The following INSYN1 variants were observed in gnomAD, a reference collection of about 807,000 sequenced individuals.
INSYN1 encodes the protein UPF0583 protein C15orf59.
In INSYN1, 7 loss-of-function variants were observed where a neutral mutation model predicts 17.1. The observed-to-expected ratio is 0.41, with a 90% CI of 0.23 to 0.77. The LOEUF (loss-of-function observed/expected upper bound fraction) is 0.77. INSYN1 is among the 30% of genes least tolerant of loss of function. The probability of loss-of-function intolerance (pLI) is 0.32; values close to 1 mark genes in which losing one functional copy is unlikely to be tolerated. For synonymous variants in INSYN1, 174 were observed against 166.3 expected (o/e 1.05, Z -0.36); for missense variants, 339 against 400.6 (o/e 0.85, Z 1.31).
rs1397293698 is a variant in INSYN1, at chr15:73,753,188, G to GCCCGCT, written c.-1652_-1647dup. 6.9e-6 allele frequency among the ~76,000 whole-genome samples: 1 copy of GCCCGCT among 145,292 alleles called. No homozygotes were observed. The highest frequency in any genetic ancestry group is 2.5e-5 in the African/African-American group (1 of 40,530). ...GCCCCGCCGGGCTCCCGGGGCCTGG[G>GCCCGCT]CCCGCTCCCCAAGCGCCGCGGCGCC... On this transcript the variant is annotated 5_prime_UTR_variant, in exon 1 of 3. Transcript: ENST00000569673. The surrounding 1 kb of genome is among the most constrained non-coding windows in gnomAD (Gnocchi z 4.2).
rs566445514 is a variant in INSYN1 at position 73,751,951 on chromosome 15, C to G, written c.-568+159G>C. Reference sequence around the variant, plus strand: ...CCTGGCCGTAGCTCCCGCCCTCCCCCCCCACCTTCCCCCCAGCCAGGCCTG... The same window carrying G: ...CCTGGCCGTAGCTCCCGCCCTCCCCGCCCACCTTCCCCCCAGCCAGGCCTG... On this transcript the variant is annotated intron_variant, in intron 1 of 2. Coordinates refer to ENST00000569673, the MANE Select transcript of INSYN1 (RefSeq NM_001039614.3). Among the ~76,000 whole-genome samples the G allele has an allele frequency of 4.1e-3, 616 of 150,482 alleles. 2 individuals carry two copies. The highest frequency in any genetic ancestry group is 0.01 in the Middle Eastern group (3 of 294).
intron 2 of INSYN1, among the ~76,000 whole-genome samples, chr15:73,744,551 C>T (rs1567036242): frequency 1.3e-5 from 2 of 152,184 alleles, no homozygotes; most frequent in Non-Finnish European, 2.9e-5. Context: ...CTGCTCTTCC[C>T]TGGTGCCTCG....
Position 73,740,530 on chromosome 15 carries a change from C to T in INSYN1, c.269G>A (p.Gly90Asp), listed in dbSNP as rs1901665883. ...CAGGTGGCCCAGGTCAAAGGGGCCACCCATGCCCGCCTTGTCACTGCTAGA... is the reference window on the plus strand; with the variant it reads ...CAGGTGGCCCAGGTCAAAGGGGCCATCCATGCCCGCCTTGTCACTGCTAGA... ...STSSSDKAGMGGPFDLGHLDF... is the reference protein window; with the variant it reads ...STSSSDKAGMDGPFDLGHLDF... Residue 90 changes from glycine (G) to aspartate (D), a missense_variant, in exon 3 of 3, where the codon GGT (glycine) becomes GAT (aspartate). By Grantham distance (94) the Gly-to-Asp change is moderately conservative. Transcript: ENST00000569673. The T allele has an allele frequency of 3.7e-6, 6 of 1,614,102 alleles. No individual in the cohort carries two copies. Among genetic ancestry groups the T allele is most frequent in the Non-Finnish European group, 5.1e-6 (6 of 1,180,028 alleles).
At chr15:73,741,375 A>G (rs1265708417) in intron 2 of INSYN1, among the ~76,000 whole-genome samples, 1 of 152,190 alleles carries the variant, frequency 6.6e-6, no homozygotes, top group Non-Finnish European at 1.5e-5. Flanking sequence ...AGCAATAAAG[A>G]AGCCATCTAT....
In INSYN1 at chr15:73,738,077, C is replaced by G. The variant is rs555591125; in HGVS notation, c.*1840G>C. ...CAAAGCCCCTGTGCCCTGGAAATCA[C>G]TGGACATCTGGGTTGAGGCCACACT... On this transcript the variant is annotated 3_prime_UTR_variant, in exon 3 of 3. Transcript: ENST00000569673. 1 of 152,330 alleles carries G rather than the reference C, an allele frequency of 6.6e-6. No homozygotes were observed. Among genetic ancestry groups the G allele is most frequent in the Non-Finnish European group, 1.5e-5 (1 of 68,096 alleles). 9.4% of individuals were successfully genotyped at this position (152,330 alleles called of 1,614,324 possible). A position where few individuals can be genotyped will look rare whatever the true frequency, so the allele number is the denominator to read the frequency against.
chr15:73,750,863 A>T, intron 2 of INSYN1, 112 bp downstream of exon 2: 1 of 1,146,810 alleles, frequency 8.7e-7, no homozygotes, highest in Non-Finnish European at 1.3e-6. Context: ...CAGTAGAGTG[A>T]CACATGTGCA....
At chr15:73,749,089 G>A (rs149293754) in intron 2 of INSYN1, among the ~76,000 whole-genome samples, 1 of 152,304 alleles carries the variant, frequency 6.6e-6, no homozygotes, top group Non-Finnish European at 1.5e-5. Flanking sequence ...GAGTGTGAAA[G>A]GGAAGGAGAG....
intron 2 of INSYN1, among the ~76,000 whole-genome samples, chr15:73,745,078 C>T (rs543428414): frequency 1.1e-4 from 16 of 152,268 alleles, no homozygotes; most frequent in Middle Eastern, 6.8e-3. Flanking sequence ...TAGCGCCCCT[C>T]GCTGAAAAAC....
intron 2 of INSYN1, among the ~76,000 whole-genome samples, chr15:73,742,128 G>C (rs921468748): frequency 3.3e-5 from 5 of 152,220 alleles, no homozygotes; most frequent in African/African-American, 4.8e-5. Context: ...GACTCTGAGA[G>C]GCTGCTTGGG....
rs1366930583 is a variant in INSYN1, at chr15:73,737,428, CT to C, written c.*2488del. ...CTGGCCCCTCTCCCCAGAGGAGCCC[CT>C]GGCACTCATCCTGTGAACCAGAGCC... is the stretch of plus-strand genomic sequence containing the variant. On this transcript the variant is annotated 3_prime_UTR_variant, in exon 3 of 3. Coordinates refer to ENST00000569673, the MANE Select transcript of INSYN1 (RefSeq NM_001039614.3). The C allele has an allele frequency of 6.6e-6, 1 of 152,318 alleles. No individual in the cohort carries two copies. The highest frequency in any genetic ancestry group is 1.5e-5 in the Non-Finnish European group (1 of 68,120). The allele number at this position is 152,318 out of a possible 1,614,324, so 9.4% of individuals were successfully genotyped here.
In INSYN1 at chr15:73,740,260, G is replaced by C. The variant is rs993231197; in HGVS notation, c.539C>G (p.Pro180Arg). Reference protein sequence around the residue: ...TVKSQLPQRTPGTRERVRFSD... With the variant: ...TVKSQLPQRTRGTRERVRFSD... ...GAACCGCACCCTCTCCCGTGTCCCT[G>C]GGGTCCGCTGGGGCAGCTGGCTCTT... Residue 180 changes from proline to arginine, a missense_variant, in exon 3 of 3, where the codon CCA (proline) becomes CGA (arginine). Pro to Arg is a moderately radical substitution (Grantham distance 103). Coordinates refer to ENST00000569673, the MANE Select transcript of INSYN1 (RefSeq NM_001039614.3). The C allele has an allele frequency of 3.1e-6, 5 of 1,613,772 alleles. No individual in the cohort carries two copies. In the Admixed American group the frequency reaches 5.0e-5, roughly 16 times the overall value.
chr15:73,742,588 C>T (rs563583622), intron 2 of INSYN1, among the ~76,000 whole-genome samples: 12 of 152,242 alleles, frequency 7.9e-5, no homozygotes, highest in South Asian at 2.1e-4. Context: ...TCTCCCCCTG[C>T]GGCCCCCTGC....
intron 2 of INSYN1, among the ~76,000 whole-genome samples, chr15:73,750,132 AT>A (rs1411783134): frequency 1.3e-5 from 2 of 152,200 alleles, no homozygotes; most frequent in East Asian, 3.9e-4. Flanking sequence ...CAGTGGGCAA[AT>A]TCAGGCTAGC....
chr15:73,748,618 G>A (rs1037539488), intron 2 of INSYN1, among the ~76,000 whole-genome samples: 4 of 152,214 alleles, frequency 2.6e-5, no homozygotes, highest in Non-Finnish European at 4.4e-5. Context: ...CTCCCTTGGA[G>A]AGCCAAGAGC....
In INSYN1 at chr15:73,740,417, G is replaced by A; in HGVS notation, c.382C>T (p.Pro128Ser). Residue 128 changes from proline to serine, a missense_variant, in exon 3 of 3, where the codon CCC becomes TCC. Transcript: ENST00000569673. ...CCAGCCCCTGGCCGAGTCGACTCGGGACCATCCACGGAGTCCGAGGGGGTA... is the reference window on the plus strand; with the variant it reads ...CCAGCCCCTGGCCGAGTCGACTCGGAACCATCCACGGAGTCCGAGGGGGTA... ...VSTPSDSVDG[P>S]ESTRPGAGPD... The A allele has an allele frequency of 6.2e-7, 1 of 1,612,918 alleles. No homozygotes were observed. Among genetic ancestry groups the A allele is most frequent in the East Asian group, 2.2e-5 (1 of 44,850 alleles).
At chr15:73,745,057 G>A (rs1901786475) in intron 2 of INSYN1, among the ~76,000 whole-genome samples, 1 of 152,044 alleles carries the variant, frequency 6.6e-6, no homozygotes, top group Non-Finnish European at 1.5e-5. Flanking sequence ...CCTCTGTCCT[G>A]GTCACAGCCT....
chr15:73,735,557 G>C lies in INSYN1; in HGVS notation c.*4360C>G, dbSNP rs1901501301. Reference sequence around the variant, plus strand: ...GTTAACAGTAACTAAGTTCTCCAAAGACTGAGGCATGTTCACATGTTTCCT... The same window carrying C: ...GTTAACAGTAACTAAGTTCTCCAAACACTGAGGCATGTTCACATGTTTCCT... On this transcript the variant is annotated 3_prime_UTR_variant, in exon 3 of 3. Transcript: ENST00000569673. The C allele has an allele frequency of 1.3e-5, 2 of 151,994 alleles. No individual in the cohort carries two copies. The highest frequency in any genetic ancestry group is 4.2e-4 in the South Asian group (2 of 4,786). The allele number at this position is 151,994 out of a possible 1,614,324, so 9.4% of individuals were successfully genotyped here.
In INSYN1 at chr15:73,740,250, C is replaced by T. The variant is rs1273297938; in HGVS notation, c.549G>A (p.Arg183=). The T allele has an allele frequency of 1.2e-6, 2 of 1,614,016 alleles. No homozygotes were observed. Among genetic ancestry groups the T allele is most frequent in the Non-Finnish European group, 1.7e-6 (2 of 1,180,042 alleles). ...CTTTGTCACTGAACCGCACCCTCTC[C>T]CGTGTCCCTGGGGTCCGCTGGGGCA... ...SQLPQRTPGT[R]ERVRFSDKVL... Residue 183 remains arginine, a synonymous_variant, in exon 3 of 3, where the codon CGG becomes CGA. Coordinates refer to ENST00000569673, the MANE Select transcript of INSYN1 (RefSeq NM_001039614.3).
rs555181707 is a variant in INSYN1, at chr15:73,747,161, C to T, written c.156+3814G>A. ...CTCTTCGAGACCTTGGCACCGGCTG[C>T]ACCCTCAGCCGGGAATGCTCTTCCC... On this transcript the variant is annotated intron_variant, in intron 2 of 2. Coordinates refer to ENST00000569673, the MANE Select transcript of INSYN1 (RefSeq NM_001039614.3). Among the ~76,000 whole-genome samples the T allele has an allele frequency of 2.4e-3, 365 of 152,322 alleles. 1 individual carries two copies. Among genetic ancestry groups the T allele is most frequent in the African/African-American group, 8.3e-3 (343 of 41,564 alleles).
Sources: allele counts gnomAD v4.1 joint callset (sites outside exome capture counted in the v4.1 genomes callset), GRCh38; gene constraint gnomAD v4.1.1; non-coding constraint Gnocchi (gnomAD v3.1); transcripts MANE v1.5; gene names NCBI Gene and HGNC (gene_info 2026-07-23, HGNC 2026-07-21).